The following C2 variants were observed in gnomAD, a reference collection of about 807,000 sequenced individuals.
C2 encodes complement C2, also known as C3/C5 convertase.
C2 carries 64 observed loss-of-function variants against 85.2 expected under a neutral mutation model. That is an observed-to-expected ratio of 0.75 (90% CI 0.61 to 0.92). The LOEUF (loss-of-function observed/expected upper bound fraction) is 0.92, where lower values mean the gene tolerates loss of function less well. Among genes scored for constraint, C2 ranks in the 40% least tolerant of loss-of-function variants. The probability of loss-of-function intolerance (pLI) is 0.00; values close to 1 mark genes in which losing one functional copy is unlikely to be tolerated. For missense variants in C2, 820 were observed against 971.6 expected (o/e 0.84, Z 2.07); for synonymous variants, 311 against 370.8 (o/e 0.84, Z 1.85).
At chr6:31,911,628 CTT>C (rs375372431) in intron 1 of C2, among the ~76,000 whole-genome samples, 1 of 141,222 alleles carries the variant, frequency 7.1e-6, no homozygotes. Flanking sequence ...GTGTTTCTTT[CTT>C]TTTTTTTTTT....
At chr6:31,909,677 C>T (rs1435680038) in intron 1 of C2, among the ~76,000 whole-genome samples, 1 of 151,250 alleles carries the variant, frequency 6.6e-6, no homozygotes, top group Non-Finnish European at 1.5e-5. Flanking sequence ...CTCAAGCGAT[C>T]CTCCAGCCTT....
chr6:31,941,373 C>G (rs1419944981), intron 9 of C2: 1 of 152,252 alleles, frequency 6.6e-6, no homozygotes, highest in Non-Finnish European at 1.5e-5. Flanking sequence ...TAAACCCATT[C>G]TCTGCCTCTG....
chr6:31,897,794 C>T (rs1562528311), upstream of C2: 2 of 993,680 alleles, frequency 2.0e-6, no homozygotes, highest in Non-Finnish European at 2.5e-6. Flanking sequence ...CCATTTTCCC[C>T]TGAGAGCGGC....
intron 3 of C2, chr6:31,932,261 C>G (rs1769900449): frequency 6.3e-6 from 1 of 158,200 alleles, no homozygotes; most frequent in Non-Finnish European, 1.4e-5. Context: ...CCCCCACCTC[C>G]CTCCCGGACG....
At position 31,943,729 on chromosome 6, in the gene C2, C is replaced by G; in HGVS notation, c.1653C>G (p.Asn551Lys). 6.2e-7 allele frequency: 1 copy of G among 1,613,028 alleles called. No individual in the cohort carries two copies. Among genetic ancestry groups the G allele is most frequent in the Non-Finnish European group, 8.5e-7 (1 of 1,179,992 alleles). The change falls in exon 13 of 18, where the codon AAC becomes AAG. Residue 551 changes from asparagine (N) to lysine (K), a missense_variant. Physicochemically the swap from Asn to Lys is moderately conservative, Grantham distance 94 (BLOSUM62 0). Transcript: ENST00000299367. This position sits in a 1 kb window ranked among gnomAD's most constrained non-coding sequence, Gnocchi z 6.4. ...GGTTTGATGTCTTTGCCAAAAAGAA[C>G]CAGGGAATCCTGGAGTTCTATGGTG... The part of the protein sequence containing the change: ...SPGFDVFAKK[N>K]QGILEFYGDD...
In C2 at chr6:31,921,627, C is replaced by CT. The variant is rs752851407; in HGVS notation, c.-100+1603dup. ...CTGGGTTTGAATCCCGGCTCTGCTG[C>CT]TTAGTACCTGTATGAACCTGGGGCA... On this transcript the variant is annotated intron_variant, in intron 1 of 3. Coordinates refer to the C2 transcript ENST00000413154. The surrounding 1 kb of genome is among the most constrained non-coding windows in gnomAD (Gnocchi z 4.6). Among the ~76,000 whole-genome samples the CT allele has an allele frequency of 6.5e-4, 99 of 152,218 alleles. No individual in the cohort carries two copies. The highest frequency in any genetic ancestry group is 3.4e-3 in the Middle Eastern group (1 of 294).
Position 31,937,339 on chromosome 6 carries a change from A to G in C2, c.1009A>G (p.Thr337Ala). ...TCCAGATCATGAAAATGGAACTGGGACTAACACCTATGCGGCCTTAAACAG... is the reference window on the plus strand; with the variant it reads ...TCCAGATCATGAAAATGGAACTGGGGCTAACACCTATGCGGCCTTAAACAG... ...NYKDHENGTGTNTYAALNSVY... is the reference protein window; with the variant it reads ...NYKDHENGTGANTYAALNSVY... Residue 337 changes from threonine (T) to alanine (A), a missense_variant, in exon 8 of 18, where the codon ACT (threonine) becomes GCT (alanine). By Grantham distance (58) the Thr-to-Ala change is moderately conservative. Transcript: ENST00000299367. 6.2e-7 allele frequency: 1 copy of G among 1,612,890 alleles called. No homozygotes were observed. The highest frequency in any genetic ancestry group is 8.5e-7 in the Non-Finnish European group (1 of 1,179,982).
chr6:31,927,504 T>G, upstream of C2: 1 of 1,433,190 alleles, frequency 7.0e-7, no homozygotes, highest in Non-Finnish European at 9.1e-7. The surrounding 1 kb of genome is among the most constrained non-coding windows in gnomAD (Gnocchi z 4.7). Flanking sequence ...ACAAAGCCTG[T>G]GGGGGAGATC....
At chr6:31,900,606 C>T (rs1199477379), upstream of C2, 1 of 1,612,606 alleles carries the variant, frequency 6.2e-7, no homozygotes, top group African/African-American at 1.3e-5. This position sits in a 1 kb window ranked among gnomAD's most constrained non-coding sequence, Gnocchi z 9.7. Flanking sequence ...CCTCCAATGC[C>T]CAGACCCCCT....
intron 3 of C2, 27 bp downstream of exon 3, chr6:31,928,944 C>T: frequency 6.3e-7 from 1 of 1,594,442 alleles, no homozygotes; most frequent in Non-Finnish European, 8.6e-7. Flanking sequence ...ATGGGCTACA[C>T]AGGGGGCTGG....
At chr6:31,908,014 T>G (rs1009639142) in intron 1 of C2, among the ~76,000 whole-genome samples, 2 of 151,400 alleles carry the variant, frequency 1.3e-5, no homozygotes, top group African/African-American at 4.9e-5. Flanking sequence ...GCCCAGCTAA[T>G]GTTTTGTATT....
In C2 at chr6:31,945,248, C is replaced by A. The variant is rs1367808690; in HGVS notation, c.2150C>A (p.Ala717Asp). The change falls in exon 18 of 18, where the codon GCC (alanine) becomes GAC (aspartate). Residue 717 changes from alanine (A) to aspartate (D), a missense_variant. Ala to Asp is a moderately radical substitution (Grantham distance 126). Coordinates refer to ENST00000299367, the MANE Select transcript of C2 (RefSeq NM_000063.6). The surrounding 1 kb of genome is among the most constrained non-coding windows in gnomAD (Gnocchi z 5.3). Reference sequence around the variant, plus strand: ...GCTGACAAAAACTCCCGCAAAAGGGCCCCTCGTAGCAAGGTCCCGCCGCCA... The same window carrying A: ...GCTGACAAAAACTCCCGCAAAAGGGACCCTCGTAGCAAGGTCCCGCCGCCA... Reference protein sequence around the residue: ...GSADKNSRKRAPRSKVPPPRD... With the variant: ...GSADKNSRKRDPRSKVPPPRD... The A allele has an allele frequency of 6.2e-7, 1 of 1,612,962 alleles. No individual in the cohort carries two copies.
intron 5 of C2, 94 bp from the exon 6 acceptor site, chr6:31,934,072 A>T (rs776537380): frequency 5.1e-5 from 80 of 1,562,538 alleles, no homozygotes; most frequent in Non-Finnish European, 6.7e-5. Context: ...GGGCTCAGCC[A>T]CTGAAAGGGA....
upstream of C2, among the ~76,000 whole-genome samples, chr6:31,898,902 T>G (rs988278499): frequency 1.6e-4 from 24 of 152,032 alleles, no homozygotes; most frequent in African/African-American, 5.3e-4. Flanking sequence ...GGGGAGTCCC[T>G]GACCAGAGGA....
At chr6:31,927,427 G>A (rs942125201), upstream of C2, 27 of 1,240,118 alleles carry the variant, frequency 2.2e-5, no homozygotes, top group Middle Eastern at 3.0e-4. The surrounding 1 kb of genome is among the most constrained non-coding windows in gnomAD (Gnocchi z 4.7). Flanking sequence ...GTTTGCCTGC[G>A]TGTTTGTGAG....
rs761956730 is a variant in C2, at chr6:31,933,926, C to G, written c.676C>G (p.His226Asp). The G allele has an allele frequency of 1.9e-6, 3 of 1,614,194 alleles. No individual in the cohort carries two copies. The South Asian group carries it at 3.3e-5, about 18-fold the overall frequency. The change falls in exon 5 of 18, where the codon CAC becomes GAC. Residue 226 changes from histidine (H) to aspartate (D), a missense_variant. Transcript: ENST00000299367. ...CCCTGCCCTGGGCACTTCCTTCTCCCACATGCTTGGGGCCACCAATCCCAC... is the reference window on the plus strand; with the variant it reads ...CCCTGCCCTGGGCACTTCCTTCTCCGACATGCTTGGGGCCACCAATCCCAC... The part of the protein sequence containing the change: ...VAPALGTSFS[H>D]MLGATNPTQK...
chr6:31,916,550 C>T (rs1768516935), upstream of C2, among the ~76,000 whole-genome samples: 2 of 117,788 alleles, frequency 1.7e-5, no homozygotes. Context: ...CAGAGTGAGA[C>T]TCCGTCTCAA....
intron 9 of C2, among the ~76,000 whole-genome samples, chr6:31,940,114 C>G (rs1245550864): frequency 5.3e-5 from 8 of 152,176 alleles, no homozygotes; most frequent in Admixed American, 2.6e-4. Flanking sequence ...TTTTAATCAA[C>G]AGCTTTAGAC....
At chr6:31,916,976 A>G (rs564698190), upstream of C2, among the ~76,000 whole-genome samples, 401 of 151,420 alleles carry the variant, frequency 2.6e-3, 3 homozygotes, top group African/African-American at 7.8e-3. Flanking sequence ...ATTTGAGACC[A>G]GCCTGGCAAA....
Sources: allele counts gnomAD v4.1 joint callset (sites outside exome capture counted in the v4.1 genomes callset), GRCh38; gene constraint gnomAD v4.1.1; non-coding constraint Gnocchi (gnomAD v3.1); transcripts MANE v1.5; gene names NCBI Gene and HGNC (gene_info 2026-07-23, HGNC 2026-07-21).